The following DLG2 variants were observed in gnomAD, a reference collection of about 807,000 sequenced individuals.
The protein encoded by DLG2 is discs large MAGUK scaffold protein 2, also known as disks large homolog 2.
DLG2 carries 45 observed loss-of-function variants against 132.5 expected under a neutral mutation model. That is an observed-to-expected ratio of 0.34 (90% CI 0.27 to 0.44). The LOEUF (loss-of-function observed/expected upper bound fraction) is 0.44, where lower values mean the gene tolerates loss of function less well. Ranked by LOEUF, DLG2 falls within the 20% of genes least tolerant of loss-of-function variation. The pLI is 1.00. For synonymous variants in DLG2, 424 were observed against 419.6 expected (o/e 1.01, Z -0.13); for missense variants, 1,045 against 1,196.9 (o/e 0.87, Z 1.87).
chr11:84,933,521 T>A (rs2048336340), intron 6 of DLG2, among the ~76,000 whole-genome samples: 1 of 152,246 alleles, frequency 6.6e-6, no homozygotes, highest in African/African-American at 2.4e-5. Flanking sequence ...TTCATTTGTG[T>A]CATCTCTGAT....
chr11:84,811,076 T>C (rs899044812), intron 6 of DLG2, among the ~76,000 whole-genome samples: 1 of 152,072 alleles, frequency 6.6e-6, no homozygotes, highest in African/African-American at 2.4e-5. Flanking sequence ...GGGTTAAGGG[T>C]ATAGGGGATC....
intron 6 of DLG2, among the ~76,000 whole-genome samples, chr11:85,096,519 C>G (rs1337273079): frequency 6.6e-6 from 1 of 150,930 alleles, no homozygotes; most frequent in Non-Finnish European, 1.5e-5. Context: ...CCAGGCACCT[C>G]TGAAGGAACA....
In DLG2 at chr11:83,532,718, T is replaced by A; in HGVS notation, c.2183A>T (p.Asp728Val). The change falls in exon 21 of 28, where the codon GAT becomes GTT. Residue 728 changes from aspartate (D) to valine (V), a missense_variant. Asp to Val is a radical substitution (Grantham distance 152). Transcript: ENST00000376104. ...TCATTTTGTACCTACCCCTTTCGAA[T>A]CAATCACTCCAGGTTTGGCATTAAA... ...VKFNAKPGVI[D>V]SKGSFNDKRK... is the part of the protein sequence containing the mutation. 1 of 1,613,300 alleles carries A rather than the reference T, an allele frequency of 6.2e-7. No homozygotes were observed. Among genetic ancestry groups the A allele is most frequent in the South Asian group, 1.1e-5 (1 of 90,990 alleles).
chr11:85,086,496 A>C (rs1289103441), intron 6 of DLG2, among the ~76,000 whole-genome samples: 3 of 152,210 alleles, frequency 2.0e-5, no homozygotes, highest in African/African-American at 4.8e-5. Context: ...GAAGAAAAAA[A>C]TAAACAATTA....
At chr11:85,377,807 G>A (rs61352884) in intron 3 of DLG2, among the ~76,000 whole-genome samples, 6,331 of 85,002 alleles carry the variant, frequency 0.074, 181 homozygotes, top group East Asian at 0.14. Flanking sequence ...ATATATATGT[G>A]TGTGTGTGTG....
At chr11:85,240,135 G>C (rs959437588) in intron 4 of DLG2, among the ~76,000 whole-genome samples, 1 of 151,796 alleles carries the variant, frequency 6.6e-6, no homozygotes, top group African/African-American at 2.4e-5. Flanking sequence ...GCTTTTGCCT[G>C]ATTATAAAAG....
intron 17 of DLG2, among the ~76,000 whole-genome samples, chr11:83,825,098 CAT>C (rs1221737967): frequency 3.2e-4 from 45 of 141,758 alleles, no homozygotes; most frequent in African/African-American, 6.9e-4. Flanking sequence ...TATATATACA[CAT>C]ATATATAGAC....
intron 6 of DLG2, among the ~76,000 whole-genome samples, chr11:84,985,312 A>T (rs1263918348): frequency 6.6e-6 from 1 of 152,200 alleles, no homozygotes; most frequent in Non-Finnish European, 1.5e-5. Flanking sequence ...CTGGAAATTA[A>T]CTACCAAAGG....
intron 7 of DLG2, among the ~76,000 whole-genome samples, chr11:84,430,847 CCTGTCCTCT>C (rs1297040012): frequency 6.6e-6 from 1 of 152,220 alleles, no homozygotes; most frequent in Admixed American, 6.5e-5. Context: ...TGGACAAACA[CCTGTCCTCT>C]CTGTCACCAC....
At chr11:83,686,457 G>A (rs1312442729) in intron 18 of DLG2, among the ~76,000 whole-genome samples, 1 of 151,588 alleles carries the variant, frequency 6.6e-6, no homozygotes, top group Non-Finnish European at 1.5e-5. Flanking sequence ...CTTTACTTTT[G>A]CTCCTCTACC....
At chr11:84,663,155 T>C (rs2099696397) in intron 6 of DLG2, among the ~76,000 whole-genome samples, 1 of 152,078 alleles carries the variant, frequency 6.6e-6, no homozygotes, top group Non-Finnish European at 1.5e-5. Context: ...ATTCAACTTA[T>C]TCTGTATTAC....
intron 7 of DLG2, among the ~76,000 whole-genome samples, chr11:84,349,856 A>G (rs943487434): frequency 6.7e-6 from 1 of 149,086 alleles, no homozygotes; most frequent in African/African-American, 2.5e-5. Flanking sequence ...ATATATCGCT[A>G]AGATGAATCT....
chr11:85,442,423 G>C (rs374533065), intron 3 of DLG2, among the ~76,000 whole-genome samples: 45 of 152,282 alleles, frequency 3.0e-4, no homozygotes, highest in African/African-American at 1.1e-3. Context: ...AGTGAGACTT[G>C]ATGATAGATT....
chr11:84,177,946 G>T (rs998073661), intron 8 of DLG2, among the ~76,000 whole-genome samples: 1 of 151,922 alleles, frequency 6.6e-6, no homozygotes, highest in African/African-American at 2.4e-5. Context: ...GCCAACAATA[G>T]CCATTTCTGG....
intron 4 of DLG2, among the ~76,000 whole-genome samples, chr11:85,237,404 A>G (rs986218348): frequency 1.4e-4 from 21 of 151,954 alleles, no homozygotes; most frequent in African/African-American, 5.1e-4. Context: ...TATTTATAAA[A>G]TTTTCTTATA....
intron 7 of DLG2, among the ~76,000 whole-genome samples, chr11:84,332,211 T>A (rs994185861): frequency 6.6e-6 from 1 of 151,204 alleles, no homozygotes; most frequent in African/African-American, 2.4e-5. Flanking sequence ...GTCCTTTTTT[T>A]TTTTTTTTTT....
chr11:85,334,304 T>C (rs1157186515), intron 3 of DLG2, among the ~76,000 whole-genome samples: 3 of 152,136 alleles, frequency 2.0e-5, no homozygotes, highest in African/African-American at 4.8e-5. Flanking sequence ...TGGTTGTGTT[T>C]ACTTGGATCT....
intron 3 of DLG2, among the ~76,000 whole-genome samples, chr11:85,449,558 TTATTTA>T (rs1283937672): frequency 6.6e-6 from 1 of 152,160 alleles, no homozygotes; most frequent in East Asian, 1.9e-4. Flanking sequence ...AGTACATGCT[TTATTTA>T]AACATTTTAA....
chr11:84,564,212 T>A (rs1156269852), intron 6 of DLG2, among the ~76,000 whole-genome samples: 1 of 151,798 alleles, frequency 6.6e-6, no homozygotes, highest in African/African-American at 2.4e-5. Context: ...TTATTGGGGG[T>A]TTTTATAAAA....
Sources: allele counts gnomAD v4.1 joint callset (sites outside exome capture counted in the v4.1 genomes callset), GRCh38; gene constraint gnomAD v4.1.1; transcripts MANE v1.5; gene names NCBI Gene and HGNC (gene_info 2026-07-23, HGNC 2026-07-21).